The following PKMYT1 variants were observed in gnomAD, a reference collection of about 807,000 sequenced individuals.
PKMYT1 encodes protein kinase, membrane associated tyrosine/threonine 1, also known as membrane-associated tyrosine- and threonine-specific cdc2-inhibitory kinase.
A neutral mutation model predicts 49.7 loss-of-function variants in PKMYT1; 35 were observed. That is an observed-to-expected ratio of 0.70 (90% CI 0.54 to 0.93). PKMYT1 has a LOEUF of 0.93. Among genes scored for constraint, PKMYT1 ranks in the 40% least tolerant of loss-of-function variants. The pLI, the probability that PKMYT1 is intolerant of heterozygous loss-of-function variation, is 0.00. For synonymous variants in PKMYT1, 331 were observed against 287.6 expected, an observed-to-expected ratio of 1.15 and a Z score of -1.53; for missense variants, 677 against 673.1, an observed-to-expected ratio of 1.01 and a Z score of -0.06.
chr16:2,980,060 C>T (rs2072300353), intron 1 of PKMYT1, 148 bp from the exon 2 acceptor site: 1 of 231,346 alleles, frequency 4.3e-6, no homozygotes, highest in Non-Finnish European at 8.7e-6. Context: ...CAGGCGGGGT[C>T]TCCGGGAGGG....
intron 2 of PKMYT1, among the ~76,000 whole-genome samples, chr16:2,978,027 A>T (rs2072245739): frequency 6.6e-6 from 1 of 152,184 alleles, no homozygotes. Flanking sequence ...ACACTGGGAG[A>T]GGGCAACCAA....
At chr16:2,980,135 C>G in intron 1 of PKMYT1, 151 bp downstream of exon 1, 2 of 157,922 alleles carry the variant, frequency 1.3e-5, no homozygotes, top group Admixed American at 6.6e-5. Context: ...TTGGGGAGGA[C>G]GGGAGGCAGG....
intron 2 of PKMYT1, chr16:2,977,641 G>A: frequency 3.4e-6 from 1 of 297,598 alleles, no homozygotes; most frequent in Non-Finnish European, 5.0e-6. Flanking sequence ...GCAAACAAAG[G>A]TTTACACAAG....
chr16:2,975,257 G>A, intron 4 of PKMYT1, 62 bp downstream of exon 4: 1 of 1,491,624 alleles, frequency 6.7e-7, no homozygotes, highest in South Asian at 1.3e-5. Context: ...GGGGAATGGA[G>A]CTTCCGTCCC....
At position 2,975,665 on chromosome 16, in the gene PKMYT1, C is replaced by A. The variant is rs1367125344; in HGVS notation, c.526G>T (p.Ala176Ser). The A allele has an allele frequency of 6.2e-7, 1 of 1,610,924 alleles. No individual in the cohort carries two copies. Among genetic ancestry groups the A allele is most frequent in the South Asian group, 1.1e-5 (1 of 91,074 alleles). Residue 176 changes from alanine (A) to serine (S), a missense_variant, in exon 4 of 9, where the codon GCC becomes TCC. Physicochemically the swap from Ala to Ser is moderately conservative, Grantham distance 99 (BLOSUM62 1). Transcript: ENST00000262300. ...TACAGGATGCCGCCCTCCTCCCAGGCCTGCTCCAGCCGCACGCAGCATGGG... is the reference window on the plus strand; with the variant it reads ...TACAGGATGCCGCCCTCCTCCCAGGACTGCTCCAGCCGCACGCAGCATGGG... ...QHPCCVRLEQAWEEGGILYLQ... is the reference protein window; with the variant it reads ...QHPCCVRLEQSWEEGGILYLQ...
At position 2,974,120 on chromosome 16, in the gene PKMYT1, A is replaced by G; in HGVS notation, c.1190T>C (p.Leu397Pro). 6.2e-7 allele frequency: 1 copy of G among 1,605,574 alleles called. No homozygotes were observed. Among genetic ancestry groups the G allele is most frequent in the Non-Finnish European group, 8.5e-7 (1 of 1,176,448 alleles). Reference protein sequence around the residue: ...LALLCWLWHGLAHPASWLQPL... With the variant: ...LALLCWLWHGPAHPASWLQPL... Reference sequence around the variant, plus strand: ...CTGTAGCCAGCTGGCAGGGTGAGCCAGCCCATGCCAGAGCCAGCAGAGCAG... The same window carrying G: ...CTGTAGCCAGCTGGCAGGGTGAGCCGGCCCATGCCAGAGCCAGCAGAGCAG... The change falls in exon 7 of 9, where the codon CTG (leucine) becomes CCG (proline). Residue 397 changes from leucine (L) to proline (P), a missense_variant. Leu to Pro is a moderately conservative substitution (Grantham distance 98, BLOSUM62 -3). Coordinates refer to ENST00000262300, the MANE Select transcript of PKMYT1 (RefSeq NM_004203.5).
Position 2,979,792 on chromosome 16 carries a change from G to C in PKMYT1, c.-135C>G. On this transcript the variant is annotated 5_prime_UTR_variant, in exon 2 of 9. Transcript: ENST00000262300. ...CAGCTTCCGGGGCCCTGGGCGATCG[G>C]GCCGTCTCGCCTCACCCTCTCACCA... The C allele has an allele frequency of 9.7e-7, 1 of 1,029,306 alleles. No homozygotes were observed. Among genetic ancestry groups the C allele is most frequent in the Admixed American group, 2.0e-5 (1 of 50,582 alleles). 63.8% of individuals were successfully genotyped at this position (1,029,306 alleles called of 1,614,324 possible).
intron 3 of PKMYT1, chr16:2,976,018 A>ATCCTAAACCCATTTAACC: frequency 1.7e-6 from 1 of 598,576 alleles, no homozygotes; most frequent in Non-Finnish European, 2.9e-6. Context: ...AGACCCAGCG[A>ATCCTAAACCCATTTAACC]CGGAGGAGCC....
chr16:2,977,299 G>A lies in PKMYT1; in HGVS notation c.11-268C>T, dbSNP rs149038479. The A allele has an allele frequency of 4.6e-5, 60 of 1,292,696 alleles. No individual in the cohort carries two copies. In the East Asian group the frequency reaches 1.5e-3, roughly 33 times the overall value. The allele number at this position is 1,292,696 out of a possible 1,614,324, so 80.1% of individuals were successfully genotyped here. ...CCGTGTTCTTGAGGGTCTTGCAGTC[G>A]GGTTAAGAGCAAGGCAGTTTGGAGT... On this transcript the variant is annotated intron_variant, in intron 2 of 8. Transcript: ENST00000262300.
At chr16:2,974,900 G>A (rs2072142479) in intron 4 of PKMYT1, 1 of 575,886 alleles carries the variant, frequency 1.7e-6, no homozygotes, top group Non-Finnish European at 3.1e-6. Context: ...AGTCCTCCCA[G>A]TGCCCTGATG....
chr16:2,975,135 G>A (rs1020058784), intron 4 of PKMYT1, among the ~76,000 whole-genome samples, 184 bp downstream of exon 4: 3 of 152,316 alleles, frequency 2.0e-5, no homozygotes, highest in African/African-American at 4.8e-5. Context: ...TGGAGGGTTC[G>A]AGGCTCACAG....
At chr16:2,978,982 T>C (rs1014170146) in intron 2 of PKMYT1, among the ~76,000 whole-genome samples, 10 of 151,634 alleles carry the variant, frequency 6.6e-5, no homozygotes, top group African/African-American at 2.2e-4. Context: ...AATTTTTATA[T>C]TTTTAGTAGA....
intron 7 of PKMYT1, chr16:2,973,421 C>T: frequency 2.6e-6 from 4 of 1,533,468 alleles, no homozygotes; most frequent in Non-Finnish European, 3.5e-6. Flanking sequence ...CCAAGGCCCC[C>T]TCTGTCCTTT....
Position 2,979,725 on chromosome 16 carries a change from C to A in PKMYT1, c.-68G>T. 6.2e-7 allele frequency: 1 copy of A among 1,609,854 alleles called. No individual in the cohort carries two copies. On this transcript the variant is annotated 5_prime_UTR_variant, in exon 2 of 9. Transcript: ENST00000262300. The stretch of plus-strand genomic sequence containing the variant: ...CAGGAGCAGGGGCTCCCACGTGAAT[C>A]CAGGGTGTCCCTGAGCTAAGGCCAG...
At chr16:2,977,190 G>C in intron 2 of PKMYT1, 159 bp from the exon 3 acceptor site, 1 of 1,460,452 alleles carries the variant, frequency 6.8e-7, no homozygotes, top group Non-Finnish European at 9.1e-7. Flanking sequence ...ACCAAGAAAA[G>C]GCAGAGGACA....
chr16:2,975,335 C>G lies in PKMYT1; in HGVS notation c.856G>C (p.Ala286Pro). 6.2e-7 allele frequency: 1 copy of G among 1,612,300 alleles called. No homozygotes were observed. Among genetic ancestry groups the G allele is most frequent in the Non-Finnish European group, 8.5e-7 (1 of 1,179,586 alleles). Residue 286 changes from alanine (A) to proline (P), a missense_variant, in exon 4 of 9, where the codon GCA becomes CCA. By Grantham distance (27) the Ala-to-Pro change is conservative. Transcript: ENST00000262300. ...PELLQGSYGTAADVFSLGLTI... is the reference protein window; with the variant it reads ...PELLQGSYGTPADVFSLGLTI... ...GGTCCCCACCTGAACACATCCGCTG[C>G]TGTCCCATAGGAGCCCTGCAGCAGC...
rs1408105364 is a variant in PKMYT1 at position 2,973,071 on chromosome 16, GGA to G, written c.1389-9_1389-8del. The G allele has an allele frequency of 6.3e-7, 1 of 1,593,872 alleles. No individual in the cohort carries two copies. Among genetic ancestry groups the G allele is most frequent in the Non-Finnish European group, 8.5e-7 (1 of 1,171,002 alleles). On this transcript the variant is annotated splice_polypyrimidine_tract_variant and splice_region_variant and intron_variant, in intron 8 of 8. Coordinates refer to ENST00000262300, the MANE Select transcript of PKMYT1 (RefSeq NM_004203.5). ...ACTTAGGTCCAGGGCATCCCTGGGA[GGA>G]GAGAGTAGTGACACTCAGGATCCAA...
Position 2,974,320 on chromosome 16 carries a change from C to T in PKMYT1, c.1077G>A (p.Leu359=). Reference sequence around the variant, plus strand: ...GCACACCCCAGGCCCGCGGCTGCCTCAACACAGGCAGTGCCAGCAGGGCCT... The same window carrying T: ...GCACACCCCAGGCCCGCGGCTGCCTTAACACAGGCAGTGCCAGCAGGGCCT... ...TAEALLALPV[L]RQPRAWGVLW... Residue 359 remains leucine (L), a synonymous_variant, in exon 6 of 9, where the codon TTG becomes TTA. Coordinates refer to ENST00000262300, the MANE Select transcript of PKMYT1 (RefSeq NM_004203.5). The T allele has an allele frequency of 6.2e-7, 1 of 1,603,632 alleles. No individual in the cohort carries two copies. Among genetic ancestry groups the T allele is most frequent in the Non-Finnish European group, 8.5e-7 (1 of 1,175,794 alleles).
intron 7 of PKMYT1, 118 bp from the exon 8 acceptor site, chr16:2,973,333 G>A (rs2072064735): frequency 1.3e-6 from 2 of 1,542,548 alleles, no homozygotes; most frequent in East Asian, 2.4e-5. Flanking sequence ...GGGAGCCACA[G>A]TCAGGGACAA....
Sources: allele counts gnomAD v4.1 joint callset (sites outside exome capture counted in the v4.1 genomes callset), GRCh38; gene constraint gnomAD v4.1.1; transcripts MANE v1.5; gene names NCBI Gene and HGNC (gene_info 2026-07-23, HGNC 2026-07-21).